Variants in ADAMTSL1 observed in about 807,000 individuals in gnomAD.
ADAMTSL1 encodes the protein ADAMTS-like protein 1.
Under a neutral mutation model 201.8 loss-of-function variants are expected in ADAMTSL1, and 126 were observed. The observed-to-expected ratio is 0.62, with a 90% confidence interval of 0.54 to 0.72. The LOEUF (loss-of-function observed/expected upper bound fraction) is 0.72, where lower values mean the gene tolerates loss of function less well. Among genes scored for constraint, ADAMTSL1 ranks in the 30% least tolerant of loss-of-function variants. The pLI, the probability that ADAMTSL1 is intolerant of heterozygous loss-of-function variation, is 0.00. For synonymous variants in ADAMTSL1, 1,121 were observed against 903.4 expected (o/e 1.24, Z -4.32); for missense variants, 2,679 against 2,277.8 (o/e 1.18, Z -3.59).
At chr9:18,353,009 A>G (rs909181745) in intron 2 of ADAMTSL1, among the ~76,000 whole-genome samples, 8 of 152,170 alleles carry the variant, frequency 5.3e-5, no homozygotes, top group Non-Finnish European at 1.0e-4. Context: ...AGAGGCACAG[A>G]CCCTTGAGTG....
In ADAMTSL1 at chr9:18,852,178, G is replaced by A. The variant is rs534656364; in HGVS notation, c.4249+22201G>A. Among the ~76,000 whole-genome samples the A allele has an allele frequency of 3.3e-5, 5 of 152,262 alleles. No homozygotes were observed. In the South Asian group the frequency reaches 8.3e-4, roughly 25 times the overall value. On this transcript the variant is annotated intron_variant, in intron 23 of 28. Coordinates refer to ENST00000380548, the MANE Select transcript of ADAMTSL1 (RefSeq NM_001040272.6). The stretch of plus-strand genomic sequence containing the variant: ...AGCACTGTAGTTGGGAGCAGCCTCC[G>A]GAGCCAGAATGCCTGGCTCTGCCAC...
At chr9:18,134,093 T>A (rs116671393) in intron 1 of ADAMTSL1, among the ~76,000 whole-genome samples, 373 of 152,256 alleles carry the variant, frequency 2.4e-3, no homozygotes, top group African/African-American at 8.5e-3. Flanking sequence ...TGAAATAAAC[T>A]CCCATTAAGC....
chr9:18,597,224 T>C (rs1016401021), intron 4 of ADAMTSL1, among the ~76,000 whole-genome samples: 1 of 152,226 alleles, frequency 6.6e-6, no homozygotes, highest in African/African-American at 2.4e-5. Flanking sequence ...TCTTTTAATA[T>C]ATTTGTGCCT....
At chr9:18,389,866 G>A (rs1185058493) in intron 2 of ADAMTSL1, among the ~76,000 whole-genome samples, 2 of 152,024 alleles carry the variant, frequency 1.3e-5, no homozygotes, top group Non-Finnish European at 2.9e-5. Flanking sequence ...TAGCTTAAAT[G>A]CCACAGAGAA....
intron 14 of ADAMTSL1, among the ~76,000 whole-genome samples, chr9:18,717,171 C>A (rs1833000750): frequency 6.6e-6 from 1 of 150,384 alleles, no homozygotes; most frequent in Admixed American, 6.6e-5. Context: ...ACCAGCATGG[C>A]ACATGTATAC....
intron 3 of ADAMTSL1, among the ~76,000 whole-genome samples, chr9:18,572,682 C>T (rs1027518450): frequency 2.0e-5 from 3 of 152,142 alleles, no homozygotes; most frequent in African/African-American, 7.2e-5. Flanking sequence ...GCGTTATATG[C>T]TCTTTAGTAG....
At chr9:18,467,457 T>C (rs76866276) in intron 2 of ADAMTSL1, among the ~76,000 whole-genome samples, 2,253 of 152,278 alleles carry the variant, frequency 0.015, 28 homozygotes, top group Non-Finnish European at 0.023. Context: ...AAACTAATTA[T>C]ATTAAAAATA....
At chr9:17,953,648 C>T (rs1387700785) in intron 1 of ADAMTSL1, among the ~76,000 whole-genome samples, 1 of 152,056 alleles carries the variant, frequency 6.6e-6, no homozygotes, top group African/African-American at 2.4e-5. Context: ...AAACATATAA[C>T]ATTAAATTTG....
In ADAMTSL1 at chr9:18,910,838, GCAC is replaced by G. The variant is rs978152382; in HGVS notation, c.*2294_*2296del. ...TTGTTCTGTGAATTGCAACTCAGCA[GCAC>G]CACAAGACAATGAAGGCTGCTGGCT... On this transcript the variant is annotated 3_prime_UTR_variant, in exon 29 of 29. Coordinates refer to ENST00000380548, the MANE Select transcript of ADAMTSL1 (RefSeq NM_001040272.6). The G allele has an allele frequency of 3.1e-4, 47 of 152,370 alleles. 1 individual carries two copies. Among genetic ancestry groups the G allele is most frequent in the African/African-American group, 1.1e-3 (45 of 41,592 alleles). 9.4% of individuals were successfully genotyped at this position (152,370 alleles called of 1,614,324 possible).
chr9:18,887,874 T>C lies in ADAMTSL1; in HGVS notation c.4293T>C (p.Phe1431=), dbSNP rs138081231. 1.1e-3 allele frequency: 1,777 copies of C among 1,613,988 alleles called. 1 individual carries two copies. Among genetic ancestry groups the C allele is most frequent in the Non-Finnish European group, 1.3e-3 (1,561 of 1,179,884 alleles). The part of the protein sequence containing the change: ...KGHPVPNITW[F]HGGQPIVTAT... Reference sequence around the variant, plus strand: ...ACCCTGTCCCTAATATCACCTGGTTTCATGGTGGTCAGCCAATTGTCACTG... The same window carrying C: ...ACCCTGTCCCTAATATCACCTGGTTCCATGGTGGTCAGCCAATTGTCACTG... The change falls in exon 24 of 29, where the codon TTT becomes TTC. Residue 1431 remains phenylalanine, a synonymous_variant. Coordinates refer to ENST00000380548, the MANE Select transcript of ADAMTSL1 (RefSeq NM_001040272.6).
At chr9:17,947,351 C>G (rs1827543695) in intron 1 of ADAMTSL1, among the ~76,000 whole-genome samples, 1 of 149,746 alleles carries the variant, frequency 6.7e-6, no homozygotes, top group Non-Finnish European at 1.5e-5. Flanking sequence ...ACACACCCCA[C>G]TATGCACTTG....
intron 2 of ADAMTSL1, among the ~76,000 whole-genome samples, chr9:18,332,832 T>C (rs898486496): frequency 2.0e-5 from 3 of 151,896 alleles, no homozygotes; most frequent in Admixed American, 1.3e-4. Flanking sequence ...GCTGGCAGAG[T>C]GAAAAGAGCA....
At chr9:18,707,102 T>C (rs1832277736) in intron 14 of ADAMTSL1, 54 bp downstream of exon 14, 2 of 1,568,338 alleles carry the variant, frequency 1.3e-6, no homozygotes, top group Non-Finnish European at 1.7e-6. Flanking sequence ...TCATTTTCTC[T>C]CTCTGCATGC....
chr9:18,722,999 A>G (rs541343212), intron 15 of ADAMTSL1: 2 of 778,288 alleles, frequency 2.6e-6, no homozygotes, highest in Admixed American at 1.7e-5. Flanking sequence ...ATTTGACTAC[A>G]GTCCTGTCAT....
intron 1 of ADAMTSL1, among the ~76,000 whole-genome samples, chr9:17,971,966 G>A (rs1426536551): frequency 6.6e-6 from 1 of 150,892 alleles, no homozygotes; most frequent in Non-Finnish European, 1.5e-5. Context: ...TACTTTTTCT[G>A]GCTTTATCAA....
chr9:18,777,773 G>T lies in ADAMTSL1; in HGVS notation c.3544G>T (p.Val1182Phe), dbSNP rs1821149441. Residue 1182 changes from valine (V) to phenylalanine (F), a missense_variant, in exon 19 of 29, where the codon GTC becomes TTC. Transcript: ENST00000380548. The stretch of plus-strand genomic sequence containing the variant: ...CCAGCAGCTCTCAGCCTCGGAGGTG[G>T]TCACCCACCTGGGGCAGACGGTGGC... The part of the protein sequence containing the change: ...AAQQLSASEV[V>F]THLGQTVALA... 1 of 1,613,654 alleles carries T rather than the reference G, an allele frequency of 6.2e-7. No individual in the cohort carries two copies.
chr9:18,272,204 C>T, intron 2 of ADAMTSL1, among the ~76,000 whole-genome samples: 1 of 152,120 alleles, frequency 6.6e-6, no homozygotes, highest in Non-Finnish European at 1.5e-5. Flanking sequence ...TGACTTCAAG[C>T]TATACTACAA....
chr9:18,265,610 C>T lies in ADAMTSL1; in HGVS notation c.207+101629C>T, dbSNP rs559788953. ...GTATATACCCTGAGCACAAAATGTTCATTTAACAGTGCCTGCTAAAATAAG... is the reference window on the plus strand; with the variant it reads ...GTATATACCCTGAGCACAAAATGTTTATTTAACAGTGCCTGCTAAAATAAG... On this transcript the variant is annotated intron_variant, in intron 2 of 29. Transcript: ENST00000680146. Among the ~76,000 whole-genome samples the T allele has an allele frequency of 1.4e-4, 22 of 152,268 alleles. No homozygotes were observed. The South Asian group carries it at 4.6e-3, about 32-fold the overall frequency.
intron 2 of ADAMTSL1, among the ~76,000 whole-genome samples, chr9:18,223,633 A>G (rs946068106): frequency 1.3e-5 from 2 of 152,134 alleles, no homozygotes; most frequent in Admixed American, 1.3e-4. Flanking sequence ...TTCTAATAAT[A>G]TCTTACTACT....
Sources: gnomAD v4.1 joint callset for allele counts (sites outside exome capture counted in the v4.1 genomes callset) on GRCh38, gnomAD v4.1.1 for gene constraint, MANE v1.5 for transcripts, NCBI Gene and HGNC (gene_info 2026-07-23, HGNC 2026-07-21) for gene names.